Variants in RNF217 observed in about 807,000 individuals in gnomAD.
RNF217 encodes ring finger protein 217, also known as E3 ubiquitin-protein ligase RNF217.
In RNF217, 31 loss-of-function variants were observed where a neutral mutation model predicts 57.8. The observed-to-expected ratio is 0.54, with a 90% CI of 0.40 to 0.72. RNF217 has a LOEUF of 0.72. Among genes scored for constraint, RNF217 ranks in the 30% least tolerant of loss-of-function variants. The probability of loss-of-function intolerance (pLI) is 0.00; values close to 1 mark genes in which losing one functional copy is unlikely to be tolerated. For missense variants in RNF217, 696 were observed against 708.3 expected (o/e 0.98, Z 0.20); for synonymous variants, 313 against 294.0 (o/e 1.06, Z -0.66).
intron 1 of RNF217, among the ~76,000 whole-genome samples, chr6:125,038,686 T>A (rs1462120666): frequency 6.6e-6 from 1 of 152,164 alleles, no homozygotes; most frequent in Non-Finnish European, 1.5e-5. Flanking sequence ...AGACTATCAA[T>A]GCCAATTTAA....
intron 1 of RNF217, among the ~76,000 whole-genome samples, chr6:125,019,831 A>AGGG (rs375622929): frequency 2.1e-4 from 29 of 140,338 alleles, no homozygotes; most frequent in African/African-American, 5.6e-4. Context: ...CCTTTTTTGC[A>AGGG]GTGGGGGGGG....
At chr6:125,038,730 T>G (rs1367794287) in intron 1 of RNF217, among the ~76,000 whole-genome samples, 1 of 152,194 alleles carries the variant, frequency 6.6e-6, no homozygotes, top group African/African-American at 2.4e-5. Flanking sequence ...AAGGCAGGAT[T>G]CACGGCTTAA....
chr6:125,049,238 C>T (rs1422363071), intron 2 of RNF217, among the ~76,000 whole-genome samples: 1 of 152,022 alleles, frequency 6.6e-6, no homozygotes. Context: ...GAGATAGACA[C>T]ATCACCCACA....
Position 125,045,248 on chromosome 6 carries a change from C to T in RNF217, c.920C>T (p.Thr307Ile), listed in dbSNP as rs1465395451. The T allele has an allele frequency of 6.2e-7, 1 of 1,613,180 alleles. No individual in the cohort carries two copies. The highest frequency in any genetic ancestry group is 8.5e-7 in the Non-Finnish European group (1 of 1,179,490). ...CAAGTAGAAATCAAATGCCCCATCA[C>T]AGAGTGTTTTGAATTCTTGGAAGAA... ...LGQVEIKCPI[T>I]ECFEFLEETT... is the part of the protein sequence containing the mutation. The change falls in exon 2 of 6, where the codon ACA becomes ATA. Residue 307 changes from threonine to isoleucine, a missense_variant. Around this residue, in one of 2 missense-constraint regions of RNF217, gnomAD observed 231 missense variants for 321.4 expected, o/e 0.72. Coordinates refer to ENST00000521654, the MANE Select transcript of RNF217 (RefSeq NM_001286398.3).
rs9491287 is a variant in RNF217, at chr6:125,047,610, T to C, written c.1116+2166T>C. Among the ~76,000 whole-genome samples, 543 of 152,118 alleles carry C rather than the reference T, an allele frequency of 3.6e-3. 2 individuals carry two copies. The highest frequency in any genetic ancestry group is 0.012 in the African/African-American group (512 of 41,552). On this transcript the variant is annotated intron_variant, in intron 2 of 5. Transcript: ENST00000521654. ...AACTCAATTGATTCCTTTTGATTAG[T>C]AGAGGAAAAGAAAATTTGCTTTGGT...
intron 2 of RNF217, 76 bp from the exon 3 acceptor site, chr6:125,057,866 C>T: frequency 7.7e-7 from 1 of 1,296,628 alleles, no homozygotes; most frequent in South Asian, 1.7e-5. Flanking sequence ...CTAATTTCCC[C>T]AAGCATCACC....
intron 1 of RNF217, chr6:124,996,665 C>T (rs2115059551): frequency 6.6e-6 from 1 of 152,228 alleles, no homozygotes; most frequent in South Asian, 2.1e-4. Context: ...TGTGAGCATA[C>T]TCTTTAAGAC....
At position 125,090,208 on chromosome 6, in the gene RNF217, G is replaced by A. The variant is rs1788895030; in HGVS notation, c.*7271G>A. 1 of 151,846 alleles carries A rather than the reference G, an allele frequency of 6.6e-6. No individual in the cohort carries two copies. The highest frequency in any genetic ancestry group is 2.1e-4 in the South Asian group (1 of 4,828). The allele number at this position is 151,846 out of a possible 1,614,324, so 9.4% of individuals were successfully genotyped here. ...TATATAAAACCATTTACCTTGACAA[G>A]GACAATCTGTTACAGATTTTTAATA... is the stretch of plus-strand genomic sequence containing the variant. On this transcript the variant is annotated 3_prime_UTR_variant, in exon 6 of 6. Coordinates refer to ENST00000521654, the MANE Select transcript of RNF217 (RefSeq NM_001286398.3).
chr6:125,046,493 C>A (rs1439665664), intron 2 of RNF217: 5 of 435,500 alleles, frequency 1.1e-5, no homozygotes, highest in Admixed American at 4.9e-5. Context: ...GAACAATTGT[C>A]TTCCAAATTT....
At position 125,090,125 on chromosome 6, in the gene RNF217, A is replaced by T. The variant is rs1329559375; in HGVS notation, c.*7188A>T. The T allele has an allele frequency of 1.3e-5, 2 of 152,068 alleles. No homozygotes were observed. The highest frequency in any genetic ancestry group is 2.9e-5 in the Non-Finnish European group (2 of 67,970). 9.4% of individuals were successfully genotyped at this position (152,068 alleles called of 1,614,324 possible). A position where few individuals can be genotyped will look rare whatever the true frequency, so the allele number is the denominator to read the frequency against. On this transcript the variant is annotated 3_prime_UTR_variant, in exon 6 of 6. Coordinates refer to ENST00000521654, the MANE Select transcript of RNF217 (RefSeq NM_001286398.3). ...ATTGCAATCCTCTAGAGGGTATTTT[A>T]AAAAGTAGACCAACCTTATGTTTCA...
At chr6:125,017,066 T>C (rs1205195960) in intron 1 of RNF217, among the ~76,000 whole-genome samples, 2 of 152,196 alleles carry the variant, frequency 1.3e-5, no homozygotes, top group Non-Finnish European at 2.9e-5. Flanking sequence ...TCTTTGCTTC[T>C]TTTCCCTTTT....
At chr6:125,036,409 T>G (rs975289588) in intron 1 of RNF217, among the ~76,000 whole-genome samples, 2 of 152,174 alleles carry the variant, frequency 1.3e-5, no homozygotes, top group Admixed American at 6.6e-5. Context: ...GTCTTTATAG[T>G]AGAATGATTT....
chr6:125,041,107 AG>A (rs961667323), intron 1 of RNF217, among the ~76,000 whole-genome samples: 2 of 152,116 alleles, frequency 1.3e-5, no homozygotes, highest in African/African-American at 4.8e-5. Flanking sequence ...TGAGCAGTGA[AG>A]CAATGCATTT....
intron 1 of RNF217, among the ~76,000 whole-genome samples, chr6:124,968,680 C>T (rs769519121): frequency 1.7e-4 from 26 of 152,190 alleles, no homozygotes; most frequent in Non-Finnish European, 3.2e-4. Flanking sequence ...ATTACAAGTA[C>T]TGCTGACCTA....
At chr6:125,053,732 T>C (rs543294839) in intron 2 of RNF217, among the ~76,000 whole-genome samples, 1 of 152,182 alleles carries the variant, frequency 6.6e-6, no homozygotes. Context: ...AGATTTCTGG[T>C]AAAACTAAGG....
At chr6:124,969,536 C>T (rs889586789) in intron 1 of RNF217, among the ~76,000 whole-genome samples, 27 of 152,154 alleles carry the variant, frequency 1.8e-4, no homozygotes, top group African/African-American at 6.5e-4. Flanking sequence ...GGGATAACTG[C>T]ACTTGAATTT....
In RNF217 at chr6:125,086,101, T is replaced by C. The variant is rs1788762407; in HGVS notation, c.*3164T>C. ...TTGCATGAACATATCCATAAGGTTG[T>C]ACATTTGTTTTTTACAAGATCTTTG... is the stretch of plus-strand genomic sequence containing the variant. On this transcript the variant is annotated 3_prime_UTR_variant, in exon 6 of 6. Transcript: ENST00000521654. 6.6e-6 allele frequency: 1 copy of C among 152,044 alleles called. No homozygotes were observed. Among genetic ancestry groups the C allele is most frequent in the Admixed American group, 6.6e-5 (1 of 15,244 alleles). The allele number at this position is 152,044 out of a possible 1,614,324, so 9.4% of individuals were successfully genotyped here. A position where few individuals can be genotyped will look rare whatever the true frequency, so the allele number is the denominator to read the frequency against.
chr6:125,012,119 TA>T lies in RNF217; in HGVS notation c.883-33087del, dbSNP rs940508724. 2.3e-4 allele frequency among the ~76,000 whole-genome samples: 35 copies of T among 152,132 alleles called. 1 individual carries two copies. Among genetic ancestry groups the T allele is most frequent in the African/African-American group, 8.4e-4 (35 of 41,500 alleles). ...TAGTCTCGCAAAAGAAAAAGATACT[TA>T]AAAAGAAACAATAAGAAACTACCAA... On this transcript the variant is annotated intron_variant, in intron 1 of 5. Transcript: ENST00000521654.
At chr6:124,989,294 G>T (rs1784468411) in intron 1 of RNF217, among the ~76,000 whole-genome samples, 1 of 152,138 alleles carries the variant, frequency 6.6e-6, no homozygotes, top group Admixed American at 6.5e-5. Context: ...AAAGTTATTT[G>T]CCATGTAATT....
Sources: allele counts gnomAD v4.1 joint callset (sites outside exome capture counted in the v4.1 genomes callset), GRCh38; gene constraint gnomAD v4.1.1; regional missense constraint gnomAD v4.1.1; transcripts MANE v1.5; gene names NCBI Gene and HGNC (gene_info 2026-07-23, HGNC 2026-07-21).